Variants in UBE2D2 observed in about 807,000 individuals in gnomAD.
UBE2D2 encodes the protein ubiquitin conjugating enzyme E2 D2, also known as ubiquitin-conjugating enzyme E2 D2.
A neutral mutation model predicts 24.2 loss-of-function variants in UBE2D2; 2 were observed. The observed-to-expected ratio is 0.08, with a 90% CI of 0.03 to 0.26. The LOEUF (loss-of-function observed/expected upper bound fraction) is 0.26. Ranked by LOEUF, UBE2D2 falls within the 10% of genes least tolerant of loss-of-function variation. UBE2D2 has a pLI of 1.00. For missense variants in UBE2D2, 44 were observed against 177.6 expected (o/e 0.25, Z 4.28); for synonymous variants, 58 against 56.5 (o/e 1.03, Z -0.12).
At chr5:139,562,088 C>G in intron 1 of UBE2D2, 1 of 927,904 alleles carries the variant, frequency 1.1e-6, no homozygotes, top group Non-Finnish European at 1.6e-6. Context: ...GGGCTTCTCT[C>G]CAGTCTGGGA....
rs1581491640 is a variant in UBE2D2 at position 139,561,471 on chromosome 5, T to C, written c.-321T>C. On this transcript the variant is annotated 5_prime_UTR_variant, in exon 1 of 7. Coordinates refer to ENST00000398733, the MANE Select transcript of UBE2D2 (RefSeq NM_003339.3). ...CGAGCCCGAGGCTTGGGCTTTTGCT[T>C]TCTGGCGGAGGGATCTGCGGCGGTT... 1 of 327,896 alleles carries C rather than the reference T, an allele frequency of 3.0e-6. No individual in the cohort carries two copies. The highest frequency in any genetic ancestry group is 5.6e-6 in the Non-Finnish European group (1 of 179,662). 20.3% of individuals were successfully genotyped at this position (327,896 alleles called of 1,614,324 possible). A position where few individuals can be genotyped will look rare whatever the true frequency, so the allele number is the denominator to read the frequency against.
chr5:139,528,148 G>T (rs983704402), intron 1 of UBE2D2, among the ~76,000 whole-genome samples: 3 of 152,242 alleles, frequency 2.0e-5, no homozygotes, highest in African/African-American at 7.2e-5. Context: ...ATTCCTTGGA[G>T]ACCTGAAGGG....
intron 1 of UBE2D2, among the ~76,000 whole-genome samples, chr5:139,567,534 T>TG (rs1413504270): frequency 1.4e-5 from 2 of 144,990 alleles, no homozygotes; most frequent in African/African-American, 5.2e-5. Flanking sequence ...GCTAAGTTTT[T>TG]TTTTTTTTTT....
upstream of UBE2D2, among the ~76,000 whole-genome samples, chr5:139,557,700 T>C (rs575112511): frequency 2.6e-5 from 4 of 152,126 alleles, no homozygotes; most frequent in African/African-American, 9.6e-5. Context: ...TGAGCCGAGA[T>C]CGCACCACTG....
At chr5:139,556,388 A>G (rs112783461), upstream of UBE2D2, among the ~76,000 whole-genome samples, 54 of 152,302 alleles carry the variant, frequency 3.5e-4, 2 homozygotes, top group Middle Eastern at 0.01. Context: ...CAGCCTGGGC[A>G]ACAGAGCAAG....
intron 1 of UBE2D2, among the ~76,000 whole-genome samples, chr5:139,595,262 A>G (rs1040145437): frequency 6.6e-6 from 1 of 152,172 alleles, no homozygotes; most frequent in Admixed American, 6.6e-5. Context: ...CGATGCCTTT[A>G]TTAAATTTTA....
At chr5:139,580,264 C>A (rs1342553963) in intron 1 of UBE2D2, among the ~76,000 whole-genome samples, 1 of 151,972 alleles carries the variant, frequency 6.6e-6, no homozygotes, top group Non-Finnish European at 1.5e-5. Context: ...GGGGTTACAT[C>A]ATGTTGCCCA....
Position 139,603,239 on chromosome 5 carries a change from T to C in UBE2D2, c.88+2804T>C, listed in dbSNP as rs947492539. Among the ~76,000 whole-genome samples, 48 of 152,230 alleles carry C rather than the reference T, an allele frequency of 3.2e-4. 1 individual carries two copies. The highest frequency in any genetic ancestry group is 2.9e-4 in the African/African-American group (12 of 41,460). On this transcript the variant is annotated intron_variant, in intron 2 of 6. Transcript: ENST00000398733. ...GGAGTCAGGGGATTTGATTTCAATT[T>C]TGAAGTTTTCTTTAGCATGCTAAAG...
At chr5:139,562,248 C>A in intron 1 of UBE2D2, 1 of 1,364,458 alleles carries the variant, frequency 7.3e-7, no homozygotes, top group Admixed American at 1.9e-5. Context: ...CCCTAGCTCC[C>A]TCCACAAAAC....
rs542140759 is a variant in UBE2D2, at chr5:139,607,911, G to A, written c.89-6675G>A. Among the ~76,000 whole-genome samples the A allele has an allele frequency of 2.0e-5, 3 of 152,136 alleles. No homozygotes were observed. The South Asian group carries it at 6.2e-4, about 32-fold the overall frequency. ...GCCTGTAGTCCCAGCTACTCAGTTG[G>A]CTGACGTGGGAGGATTGCTTGAGCC... is the stretch of plus-strand genomic sequence containing the variant. On this transcript the variant is annotated intron_variant, in intron 2 of 6. Transcript: ENST00000398733.
chr5:139,552,312 A>G (rs1378954116), intron 1 of UBE2D2, among the ~76,000 whole-genome samples: 2 of 151,650 alleles, frequency 1.3e-5, no homozygotes, highest in Non-Finnish European at 2.9e-5. Flanking sequence ...ACAGGTGTGC[A>G]CCACCACGCC....
chr5:139,567,809 C>G (rs962716411), intron 1 of UBE2D2, among the ~76,000 whole-genome samples: 1 of 152,178 alleles, frequency 6.6e-6, no homozygotes, highest in Non-Finnish European at 1.5e-5. Context: ...GCTGGGATTA[C>G]AGGCGTGAGC....
At chr5:139,596,815 G>A (rs1338309170) in intron 1 of UBE2D2, among the ~76,000 whole-genome samples, 1 of 151,962 alleles carries the variant, frequency 6.6e-6, no homozygotes, top group Non-Finnish European at 1.5e-5. Context: ...GGGAGGCCGA[G>A]GTGGGCAGAT....
intron 1 of UBE2D2, among the ~76,000 whole-genome samples, chr5:139,539,971 G>C (rs1434143614): frequency 6.6e-6 from 1 of 151,826 alleles, no homozygotes; most frequent in Non-Finnish European, 1.5e-5. Context: ...CCAGGCTGGA[G>C]TGCAATAGCA....
chr5:139,535,525 A>G (rs1346879358), intron 1 of UBE2D2, among the ~76,000 whole-genome samples: 1 of 152,090 alleles, frequency 6.6e-6, no homozygotes, highest in Non-Finnish European at 1.5e-5. Context: ...GCTACTTTGG[A>G]GGCTGAGGCG....
At chr5:139,568,355 T>A (rs947007480) in intron 1 of UBE2D2, among the ~76,000 whole-genome samples, 2 of 148,746 alleles carry the variant, frequency 1.3e-5, no homozygotes, top group Non-Finnish European at 3.0e-5. Context: ...AAAAAAAAAA[T>A]TGCTTAAAAA....
chr5:139,625,066 T>C (rs1754586603), intron 6 of UBE2D2, among the ~76,000 whole-genome samples: 1 of 150,330 alleles, frequency 6.7e-6, no homozygotes, highest in Non-Finnish European at 1.5e-5. Flanking sequence ...CCCCCACTTT[T>C]TTTTTTGCAG....
chr5:139,607,469 G>A (rs771403694), intron 2 of UBE2D2, among the ~76,000 whole-genome samples: 2 of 152,052 alleles, frequency 1.3e-5, no homozygotes, highest in Middle Eastern at 3.2e-3. Context: ...CTATTTTAAA[G>A]ACTTAGCCCT....
chr5:139,613,950 T>A (rs1474060786), intron 2 of UBE2D2, among the ~76,000 whole-genome samples: 1 of 151,462 alleles, frequency 6.6e-6, no homozygotes, highest in Non-Finnish European at 1.5e-5. Flanking sequence ...TAGTCCCAGC[T>A]ACTTGGGAGG....
Sources: allele counts gnomAD v4.1 joint callset (sites outside exome capture counted in the v4.1 genomes callset), GRCh38; gene constraint gnomAD v4.1.1; transcripts MANE v1.5; gene names NCBI Gene and HGNC (gene_info 2026-07-23, HGNC 2026-07-21).